ZFPM2: variants seen among roughly 807,000 people sequenced by gnomAD.
ZFPM2 encodes the protein zinc finger protein ZFPM2.
ZFPM2 carries 20 observed loss-of-function variants against 98.6 expected under a neutral mutation model. The observed-to-expected ratio is 0.20, with a 90% CI of 0.14 to 0.29. The LOEUF (loss-of-function observed/expected upper bound fraction) is 0.29, where lower values mean the gene tolerates loss of function less well. ZFPM2 is among the 10% of genes least tolerant of loss of function. The pLI, the probability that ZFPM2 is intolerant of heterozygous loss-of-function variation, is 1.00. For missense variants in ZFPM2, 1,310 were observed against 1,388.6 expected (o/e 0.94, Z 0.90); for synonymous variants, 518 against 502.7 (o/e 1.03, Z -0.41).
chr8:105,403,531 T>A (rs575928343), intron 1 of ZFPM2, among the ~76,000 whole-genome samples: 44 of 152,236 alleles, frequency 2.9e-4, no homozygotes, highest in Admixed American at 1.8e-3. Flanking sequence ...GTAGATTTTT[T>A]AAAAATCATT....
intron 4 of ZFPM2, among the ~76,000 whole-genome samples, chr8:105,622,798 T>C (rs1438163719): frequency 6.6e-6 from 1 of 152,166 alleles, no homozygotes; most frequent in Non-Finnish European, 1.5e-5. Flanking sequence ...CTTCTGCATC[T>C]GTTGATTTGG....
intron 1 of ZFPM2, among the ~76,000 whole-genome samples, chr8:105,370,829 C>T (rs1252682598): frequency 6.6e-6 from 1 of 152,198 alleles, no homozygotes; most frequent in Non-Finnish European, 1.5e-5. Flanking sequence ...AGGAATCTAG[C>T]TGGTAATGTA....
At chr8:105,717,099 G>T (rs1262660401) in intron 5 of ZFPM2, among the ~76,000 whole-genome samples, 5 of 151,974 alleles carry the variant, frequency 3.3e-5, no homozygotes, top group Admixed American at 3.3e-4. Context: ...AAATTATACT[G>T]CATGCATGTC....
intron 5 of ZFPM2, among the ~76,000 whole-genome samples, chr8:105,658,510 C>G (rs1817327853): frequency 2.0e-5 from 1 of 49,336 alleles, no homozygotes; most frequent in African/African-American, 9.8e-5. Flanking sequence ...ATGGCGTGAA[C>G]CCCAGGGGGC....
intron 5 of ZFPM2, among the ~76,000 whole-genome samples, chr8:105,715,958 C>T (rs575744352): frequency 6.6e-6 from 1 of 151,858 alleles, no homozygotes; most frequent in African/African-American, 2.4e-5. Context: ...TATTTTATTT[C>T]AATGCAGAGT....
chr8:105,459,080 T>G (rs1812655478), intron 3 of ZFPM2, among the ~76,000 whole-genome samples: 1 of 152,168 alleles, frequency 6.6e-6, no homozygotes. Context: ...GCCCTTCTTT[T>G]TTTCTTTCTC....
At chr8:105,395,631 A>G (rs1811203953) in intron 1 of ZFPM2, among the ~76,000 whole-genome samples, 1 of 152,156 alleles carries the variant, frequency 6.6e-6, no homozygotes. Context: ...CCCCCATACA[A>G]TGGTTTTATA....
chr8:105,688,012 C>G (rs1229459521), intron 5 of ZFPM2, among the ~76,000 whole-genome samples: 1 of 151,696 alleles, frequency 6.6e-6, no homozygotes, highest in Non-Finnish European at 1.5e-5. Context: ...GGGGCACTTA[C>G]AATGATATCA....
chr8:105,542,455 A>G (rs1311820908), intron 3 of ZFPM2, among the ~76,000 whole-genome samples: 3 of 152,178 alleles, frequency 2.0e-5, no homozygotes, highest in Non-Finnish European at 2.9e-5. Context: ...ATTCTTAAAT[A>G]TTTACAGTTG....
At chr8:105,794,560 G>T (rs866665839) in intron 6 of ZFPM2, among the ~76,000 whole-genome samples, 12 of 152,192 alleles carry the variant, frequency 7.9e-5, no homozygotes, top group African/African-American at 2.9e-4. Flanking sequence ...GCAGTCTGCG[G>T]GTTCTCAGAT....
chr8:105,706,227 T>A (rs1339202774), intron 5 of ZFPM2, among the ~76,000 whole-genome samples: 1 of 152,092 alleles, frequency 6.6e-6, no homozygotes. Context: ...AATTCAAATA[T>A]AAACATACAT....
At chr8:105,469,583 C>T (rs115786503) in intron 3 of ZFPM2, among the ~76,000 whole-genome samples, 142 of 152,316 alleles carry the variant, frequency 9.3e-4, no homozygotes, top group Middle Eastern at 3.4e-3. Context: ...CTGGTTTCGT[C>T]ACCTTCTAGC....
intron 3 of ZFPM2, among the ~76,000 whole-genome samples, chr8:105,491,137 A>G (rs1813348914): frequency 6.6e-6 from 1 of 152,088 alleles, no homozygotes; most frequent in East Asian, 1.9e-4. Flanking sequence ...GCAATTTGAA[A>G]TTCTGAAGAC....
At chr8:105,537,197 AT>A (rs34744128) in intron 3 of ZFPM2, among the ~76,000 whole-genome samples, 21,327 of 150,396 alleles carry the variant, frequency 0.14, 1,631 homozygotes, top group Non-Finnish European at 0.18. Flanking sequence ...ATTAATTCAG[AT>A]TTTTTTTTTC....
intron 3 of ZFPM2, among the ~76,000 whole-genome samples, chr8:105,487,929 T>G (rs868711109): frequency 3.1e-3 from 259 of 82,724 alleles, no homozygotes; most frequent in Non-Finnish European, 5.1e-3. Flanking sequence ...TATCTATCTA[T>G]CTAGCTAGCT....
intron 3 of ZFPM2, among the ~76,000 whole-genome samples, chr8:105,487,201 C>T (rs1013407651): frequency 6.6e-6 from 1 of 152,146 alleles, no homozygotes; most frequent in Non-Finnish European, 1.5e-5. Context: ...TAGCCTGGAC[C>T]TCCTGGGCTC....
chr8:105,482,923 C>A (rs543510073), intron 3 of ZFPM2, among the ~76,000 whole-genome samples: 19 of 131,214 alleles, frequency 1.4e-4, no homozygotes, highest in African/African-American at 5.6e-4. Flanking sequence ...CTTTACTTCC[C>A]CTTTCCTTTC....
intron 3 of ZFPM2, among the ~76,000 whole-genome samples, chr8:105,517,326 C>G (rs1014421093): frequency 6.6e-6 from 1 of 152,096 alleles, no homozygotes; most frequent in Non-Finnish European, 1.5e-5. Context: ...CGCTGTTACT[C>G]TTAAAAGTGA....
intron 5 of ZFPM2, chr8:105,678,880 G>A (rs1298064811): frequency 1.3e-5 from 2 of 152,172 alleles, no homozygotes; most frequent in Non-Finnish European, 2.9e-5. Context: ...ATTATATAAT[G>A]CCATAATTTG....
Sources: gnomAD v4.1 joint callset for allele counts (sites outside exome capture counted in the v4.1 genomes callset) on GRCh38, gnomAD v4.1.1 for gene constraint, MANE v1.5 for transcripts, NCBI Gene and HGNC (gene_info 2026-07-23, HGNC 2026-07-21) for gene names.